Variants in TRPM3 observed in about 807,000 individuals in gnomAD.
TRPM3 encodes the protein transient receptor potential cation channel subfamily M member 3, also known as long transient receptor potential channel 3.
TRPM3 carries 77 observed loss-of-function variants against 181.2 expected under a neutral mutation model. The ratio of observed to expected loss-of-function variants is 0.42; its 90% CI spans 0.35 to 0.51. TRPM3 has a LOEUF of 0.51. Ranked by LOEUF, TRPM3 falls within the 20% of genes least tolerant of loss-of-function variation. The probability of loss-of-function intolerance (pLI) is 0.01; values close to 1 mark genes in which losing one functional copy is unlikely to be tolerated. For missense variants in TRPM3, 1,759 were observed against 2,196.7 expected (o/e 0.80, Z 3.98); for synonymous variants, 745 against 796.4 (o/e 0.94, Z 1.09).
rs765600351 is a variant in TRPM3, at chr9:70,537,025, T to A, written c.4088A>T (p.Glu1363Val). ...TTCTTTAAAAATACTTTCCAACTTT[T>A]CTATACCACCTTTGTCTTTCATATT... is the stretch of plus-strand genomic sequence containing the variant. Reference protein sequence around the residue: ...SVNMKDKGGIEKLESIFKERS... With the variant: ...SVNMKDKGGIVKLESIFKERS... Residue 1363 changes from glutamate to valine, a missense_variant, in exon 26 of 26, where the codon GAA (glutamate) becomes GTA (valine). Glu to Val is a moderately radical substitution (Grantham distance 121). Around this residue, in one of 8 missense-constraint regions of TRPM3, gnomAD observed 612 missense variants for 590.0 expected, o/e 1.04. Transcript: ENST00000677713. 6.2e-7 allele frequency: 1 copy of A among 1,610,604 alleles called. No individual in the cohort carries two copies. The highest frequency in any genetic ancestry group is 8.5e-7 in the Non-Finnish European group (1 of 1,177,004).
At chr9:71,091,897 G>T (rs2066288353) in intron 1 of TRPM3, among the ~76,000 whole-genome samples, 1 of 151,956 alleles carries the variant, frequency 6.6e-6, no homozygotes, top group Admixed American at 6.6e-5. Flanking sequence ...TTTTGTTTGG[G>T]TGCCCCAAAT....
chr9:71,346,978 T>C (rs2132641479), intron 1 of TRPM3, among the ~76,000 whole-genome samples: 2 of 152,318 alleles, frequency 1.3e-5, no homozygotes, highest in East Asian at 1.9e-4. Flanking sequence ...TGAGAGAAAC[T>C]GACATTTCTG....
chr9:70,610,006 T>C (rs1023511828), intron 19 of TRPM3, among the ~76,000 whole-genome samples: 1 of 152,230 alleles, frequency 6.6e-6, no homozygotes, highest in Admixed American at 6.5e-5. Flanking sequence ...AATCCACTCT[T>C]TTGTAGGCAG....
intron 1 of TRPM3, among the ~76,000 whole-genome samples, chr9:71,440,337 C>T (rs1191588717): frequency 6.6e-6 from 1 of 152,142 alleles, no homozygotes; most frequent in African/African-American, 2.4e-5. Flanking sequence ...CTGTACCATA[C>T]AAATATTTGC....
At chr9:71,140,636 TTTC>T (rs2075041623) in intron 1 of TRPM3, among the ~76,000 whole-genome samples, 1 of 152,190 alleles carries the variant, frequency 6.6e-6, no homozygotes, top group South Asian at 2.1e-4. Flanking sequence ...AATCAACATG[TTTC>T]TTCATTTATT....
intron 1 of TRPM3, among the ~76,000 whole-genome samples, chr9:71,089,210 C>T (rs2065793159): frequency 6.8e-6 from 1 of 146,702 alleles, no homozygotes; most frequent in Admixed American, 6.9e-5. Context: ...TTTATATATT[C>T]ATATATAACA....
intron 1 of TRPM3, among the ~76,000 whole-genome samples, chr9:71,263,426 G>A (rs138082215): frequency 1.3e-5 from 2 of 152,272 alleles, no homozygotes; most frequent in East Asian, 3.9e-4. Context: ...AACTCCAAAA[G>A]GTGAGTCTCA....
rs141400752 is a variant in TRPM3 at position 70,614,487 on chromosome 9, C to A, written c.2526+1421G>T. On this transcript the variant is annotated intron_variant, in intron 18 of 25. Transcript: ENST00000677713. ...CTCCAGCCTGGGTGACAGAGTGAGA[C>A]CCTGTCTCTAAAAATAAATAAATAA... is the stretch of plus-strand genomic sequence containing the variant. 2.0e-3 allele frequency among the ~76,000 whole-genome samples: 305 copies of A among 151,934 alleles called. 1 individual carries two copies. The highest frequency in any genetic ancestry group is 6.8e-3 in the African/African-American group (283 of 41,370).
At chr9:70,992,634 G>T (rs2097499798) in intron 1 of TRPM3, among the ~76,000 whole-genome samples, 1 of 152,172 alleles carries the variant, frequency 6.6e-6, no homozygotes, top group Admixed American at 6.5e-5. Context: ...CACATGAAAT[G>T]TGACTAGTAT....
chr9:70,864,181 TTA>T (rs2095587699), intron 2 of TRPM3, among the ~76,000 whole-genome samples: 1 of 152,082 alleles, frequency 6.6e-6, no homozygotes. Flanking sequence ...TAATCCACTG[TTA>T]TATACAGTGA....
chr9:70,643,407 C>A (rs879928121), intron 9 of TRPM3, among the ~76,000 whole-genome samples: 16 of 152,136 alleles, frequency 1.1e-4, no homozygotes, highest in Non-Finnish European at 2.2e-4. Context: ...CGAGCCTGAA[C>A]AGGAACACAT....
rs1406634010 is a variant in TRPM3, at chr9:70,531,687, T to C, written c.*4266A>G. The C allele has an allele frequency of 1.3e-5, 2 of 152,198 alleles. No homozygotes were observed. The highest frequency in any genetic ancestry group is 2.4e-5 in the African/African-American group (1 of 41,454). The allele number at this position is 152,198 out of a possible 1,614,324, so 9.4% of individuals were successfully genotyped here. ...TACTGTACACTGCTTCTGCATGGGG[T>C]TGGCAGATGTAAACAGCTAATTCAA... On this transcript the variant is annotated 3_prime_UTR_variant, in exon 26 of 26. Transcript: ENST00000677713.
chr9:70,758,875 A>C (rs868655461), intron 8 of TRPM3, among the ~76,000 whole-genome samples: 9 of 152,190 alleles, frequency 5.9e-5, no homozygotes, highest in African/African-American at 1.9e-4. Flanking sequence ...AACCATAAAA[A>C]CCCTAGAAGA....
intron 20 of TRPM3, among the ~76,000 whole-genome samples, chr9:70,601,517 G>A (rs1346518341): frequency 6.6e-6 from 1 of 152,158 alleles, no homozygotes; most frequent in East Asian, 1.9e-4. Flanking sequence ...TGGTCGTCAA[G>A]CAACTCTTCA....
intron 1 of TRPM3, among the ~76,000 whole-genome samples, chr9:71,284,681 T>A (rs1442916172): frequency 6.6e-6 from 1 of 152,236 alleles, no homozygotes; most frequent in Non-Finnish European, 1.5e-5. Flanking sequence ...TACTTTCTTC[T>A]GGTTAGTGAG....
At chr9:71,075,964 T>C (rs1278396453) in intron 1 of TRPM3, among the ~76,000 whole-genome samples, 1 of 152,212 alleles carries the variant, frequency 6.6e-6, no homozygotes, top group Non-Finnish European at 1.5e-5. Context: ...GACCAAACTT[T>C]AGTCCCAATC....
intron 1 of TRPM3, among the ~76,000 whole-genome samples, chr9:70,903,459 A>C (rs1353417098): frequency 6.6e-6 from 1 of 152,120 alleles, no homozygotes; most frequent in Non-Finnish European, 1.5e-5. Context: ...ATCTCCCCAA[A>C]AAGAAAATTT....
At chr9:71,168,036 G>A (rs1461495851) in intron 1 of TRPM3, among the ~76,000 whole-genome samples, 4 of 152,114 alleles carry the variant, frequency 2.6e-5, no homozygotes, top group African/African-American at 9.7e-5. Context: ...TTATCTTAGA[G>A]AGAATACAAA....
Position 70,827,836 on chromosome 9 carries a change from C to A in TRPM3, c.973+11G>T. On this transcript the variant is annotated intron_variant, in intron 6 of 25. Coordinates refer to ENST00000677713, the MANE Select transcript of TRPM3 (RefSeq NM_001366145.2). ...CTACGAGCCATGCCAGTGGGAACAA[C>A]CGCTACTTACTTGTGTTTATCTTCT... 1 of 1,612,882 alleles carries A rather than the reference C, an allele frequency of 6.2e-7. No homozygotes were observed. Among genetic ancestry groups the A allele is most frequent in the Non-Finnish European group, 8.5e-7 (1 of 1,179,110 alleles).
Sources: gnomAD v4.1 joint callset for allele counts (sites outside exome capture counted in the v4.1 genomes callset) on GRCh38, gnomAD v4.1.1 for gene constraint, gnomAD v4.1.1 regional missense constraint, MANE v1.5 for transcripts, NCBI Gene and HGNC (gene_info 2026-07-23, HGNC 2026-07-21) for gene names.